Variants in HACD4 observed in about 807,000 individuals in gnomAD.
The protein encoded by HACD4 is very-long-chain (3R)-3-hydroxyacyl-CoA dehydratase 4.
A neutral mutation model predicts 33.3 loss-of-function variants in HACD4; 35 were observed. The ratio of observed to expected loss-of-function variants is 1.05; its 90% CI spans 0.80 to 1.39. HACD4 has a LOEUF of 1.39. Among genes scored for constraint, HACD4 ranks in the 40% most tolerant of loss-of-function variants. The pLI is 0.00. For synonymous variants in HACD4, 118 were observed against 98.0 expected, an observed-to-expected ratio of 1.20 and a Z score of -1.21; for missense variants, 323 against 276.5, an observed-to-expected ratio of 1.17 and a Z score of -1.19.
At chr9:21,018,065 T>A (rs920180324) in intron 3 of HACD4, among the ~76,000 whole-genome samples, 1 of 152,076 alleles carries the variant, frequency 6.6e-6, no homozygotes, top group South Asian at 2.1e-4. Flanking sequence ...TACACACGAG[T>A]GAAGACTCCC....
chr9:21,012,373 G>A (rs1842456858), intron 4 of HACD4, among the ~76,000 whole-genome samples: 1 of 152,192 alleles, frequency 6.6e-6, no homozygotes, highest in Non-Finnish European at 1.5e-5. Flanking sequence ...CCCAGACTTT[G>A]TATTAACAAG....
Position 21,002,659 on chromosome 9 carries a change from ATTAC to A in HACD4, c.*4374_*4377del, listed in dbSNP as rs770556061. 1.3e-5 allele frequency: 2 copies of A among 152,134 alleles called. No homozygotes were observed. The highest frequency in any genetic ancestry group is 4.8e-5 in the African/African-American group (2 of 41,442). The allele number at this position is 152,134 out of a possible 1,614,324, so 9.4% of individuals were successfully genotyped here. A position where few individuals can be genotyped will look rare whatever the true frequency, so the allele number is the denominator to read the frequency against. ...CAGTGGTGATGGTTGCACAATATAA[ATTAC>A]TTACTACTACTGAACTGCACACTTA... is the stretch of plus-strand genomic sequence containing the variant. On this transcript the variant is annotated 3_prime_UTR_variant, in exon 7 of 7. Transcript: ENST00000495827.
At chr9:21,025,317 A>G (rs1818033386) in intron 3 of HACD4, among the ~76,000 whole-genome samples, 1 of 152,186 alleles carries the variant, frequency 6.6e-6, no homozygotes, top group African/African-American at 2.4e-5. Context: ...TATACTATTT[A>G]TATCTTTTAA....
intron 4 of HACD4, 35 bp downstream of exon 4, chr9:21,015,863 T>C: frequency 7.2e-7 from 1 of 1,388,472 alleles, no homozygotes; most frequent in East Asian, 2.3e-5. Flanking sequence ...GAAAGCAATT[T>C]AGCCTTGTTT....
chr9:21,008,229 A>G, intron 5 of HACD4, 83 bp from the exon 6 acceptor site: 1 of 1,190,936 alleles, frequency 8.4e-7, no homozygotes, highest in Non-Finnish European at 1.1e-6. Context: ...TAGTTGTAGG[A>G]TATTTTGAAT....
Position 21,030,269 on chromosome 9 carries a change from CAAAAA to C in HACD4, c.39-876_39-872del, listed in dbSNP as rs57245979. Among the ~76,000 whole-genome samples, 490 of 110,884 alleles carry C rather than the reference CAAAAA, an allele frequency of 4.4e-3. 3 individuals are homozygous for C. Among genetic ancestry groups the C allele is most frequent in the African/African-American group, 0.018 (474 of 26,248 alleles). 72.7% of individuals were successfully genotyped at this position (110,884 alleles called of 152,430 possible). A position where few individuals can be genotyped will look rare whatever the true frequency, so the allele number is the denominator to read the frequency against. ...CCAGCCTGGCCAACATGGCAACTTA[CAAAAA>C]AAAAAAAAAAAAAGCCGGATGTGGT... On this transcript the variant is annotated intron_variant, in intron 1 of 6. Transcript: ENST00000495827.
At chr9:21,018,423 T>C (rs903210710) in intron 3 of HACD4, among the ~76,000 whole-genome samples, 1 of 152,212 alleles carries the variant, frequency 6.6e-6, no homozygotes, top group Non-Finnish European at 1.5e-5. Flanking sequence ...TGTTACTTGA[T>C]ATGAGTTACT....
chr9:21,005,123 G>A lies in HACD4; in HGVS notation c.*1914C>T, dbSNP rs907348204. ...GTGATCTTTGTTATAATATGCCAAAGAACTTGGATGATTGTGTTCATGTTC... is the reference window on the plus strand; with the variant it reads ...GTGATCTTTGTTATAATATGCCAAAAAACTTGGATGATTGTGTTCATGTTC... On this transcript the variant is annotated 3_prime_UTR_variant, in exon 7 of 7. Coordinates refer to ENST00000495827, the MANE Select transcript of HACD4 (RefSeq NM_001010915.5). This position sits in a 1 kb window ranked among gnomAD's most constrained non-coding sequence, Gnocchi z 4.0. 6 of 152,210 alleles carry A rather than the reference G, an allele frequency of 3.9e-5. No homozygotes were observed. Among genetic ancestry groups the A allele is most frequent in the Admixed American group, 1.3e-4 (2 of 15,266 alleles). The allele number at this position is 152,210 out of a possible 1,614,324, so 9.4% of individuals were successfully genotyped here.
At chr9:21,023,031 T>C (rs1401061021) in intron 3 of HACD4, among the ~76,000 whole-genome samples, 1 of 152,148 alleles carries the variant, frequency 6.6e-6, no homozygotes, top group Non-Finnish European at 1.5e-5. Flanking sequence ...CCGAATACTA[T>C]GCAGCCATAA....
chr9:21,017,377 G>A (rs762964892), intron 3 of HACD4, among the ~76,000 whole-genome samples: 1 of 152,112 alleles, frequency 6.6e-6, no homozygotes, highest in Non-Finnish European at 1.5e-5. Context: ...GTCAAACCAT[G>A]GAAGCTATCT....
rs777991871 is a variant in HACD4, at chr9:21,011,607, A to G, written c.472T>C (p.Leu158=). The change falls in exon 5 of 7, where the codon TTG becomes CTG. Residue 158 remains leucine, a synonymous_variant. Transcript: ENST00000495827. ...TTCTTACCTTCAGCAAGAACACACA[A>G]AGGATAAATTGGCATCCATAGTGTT... ...SQTLWMPIYP[L]CVLAEAFAIY... The G allele has an allele frequency of 6.2e-6, 10 of 1,606,264 alleles. No homozygotes were observed. In the East Asian group the frequency reaches 1.6e-4, roughly 25 times the overall value.
rs774100791 is a variant in HACD4 at position 21,011,546 on chromosome 9, G to A, written c.490+43C>T. 3.4e-6 allele frequency: 4 copies of A among 1,174,354 alleles called. No individual in the cohort carries two copies. The Middle Eastern group carries it at 5.7e-4, about 167-fold the overall frequency. 72.7% of individuals were successfully genotyped at this position (1,174,354 alleles called of 1,614,324 possible). Reference sequence around the variant, plus strand: ...ATTTAGTGAACCATTATAACTAGATGGCTTTTGTCAGTAAGCAATACAGCA... The same window carrying A: ...ATTTAGTGAACCATTATAACTAGATAGCTTTTGTCAGTAAGCAATACAGCA... On this transcript the variant is annotated intron_variant, in intron 5 of 6. Coordinates refer to ENST00000495827, the MANE Select transcript of HACD4 (RefSeq NM_001010915.5).
intron 3 of HACD4, among the ~76,000 whole-genome samples, chr9:21,018,286 T>C (rs1269230399): frequency 6.6e-6 from 1 of 152,212 alleles, no homozygotes; most frequent in Non-Finnish European, 1.5e-5. Context: ...GTAGGTGCTA[T>C]TATTGTTCTA....
At chr9:21,029,262 G>T in intron 2 of HACD4, 33 bp downstream of exon 2, 1 of 1,248,208 alleles carries the variant, frequency 8.0e-7, no homozygotes. Flanking sequence ...AGGATTAAAA[G>T]TTAAAAATAA....
chr9:21,028,345 G>T (rs969700949), intron 2 of HACD4, among the ~76,000 whole-genome samples: 1 of 152,030 alleles, frequency 6.6e-6, no homozygotes, highest in African/African-American at 2.4e-5. Flanking sequence ...AAATATAAAA[G>T]AAGTTTTCCC....
chr9:21,026,572 T>C lies in HACD4; in HGVS notation c.270+24A>G, dbSNP rs28540441. The C allele has an allele frequency of 1.1e-4, 181 of 1,578,688 alleles. 1 individual carries two copies. In the African/African-American group the frequency reaches 2.2e-3, roughly 19 times the overall value. ...AAATGTAAAAATGAAACAGATTCTATAATAATATGTGATTCAAACCTACCT... is the reference window on the plus strand; with the variant it reads ...AAATGTAAAAATGAAACAGATTCTACAATAATATGTGATTCAAACCTACCT... On this transcript the variant is annotated intron_variant, in intron 3 of 6. Transcript: ENST00000495827.
rs1231837924 is a variant in HACD4 at position 21,002,632 on chromosome 9, G to A, written c.*4405C>T. On this transcript the variant is annotated 3_prime_UTR_variant, in exon 7 of 7. Transcript: ENST00000495827. ...CAAGGTAAAAAAAGTTCTGGAGATG[G>A]ACAGTGGTGATGGTTGCACAATATA... is the stretch of plus-strand genomic sequence containing the variant. 1 of 152,058 alleles carries A rather than the reference G, an allele frequency of 6.6e-6. No homozygotes were observed. Among genetic ancestry groups the A allele is most frequent in the Non-Finnish European group, 1.5e-5 (1 of 67,974 alleles). 9.4% of individuals were successfully genotyped at this position (152,058 alleles called of 1,614,324 possible).
rs1842201821 is a variant in HACD4, at chr9:21,003,617, C to T, written c.*3420G>A. ...TGTTTTCTTTAGTGGAAATAAGTTA[C>T]CCATTTTTAAAATTACATTTTTATT... On this transcript the variant is annotated 3_prime_UTR_variant, in exon 7 of 7. Transcript: ENST00000495827. 6.6e-6 allele frequency: 1 copy of T among 152,026 alleles called. No individual in the cohort carries two copies. The highest frequency in any genetic ancestry group is 6.6e-5 in the Admixed American group (1 of 15,264). The allele number at this position is 152,026 out of a possible 1,614,324, so 9.4% of individuals were successfully genotyped here.
chr9:21,007,954 G>GT (rs1842310249), intron 6 of HACD4, 67 bp downstream of exon 6: 1 of 1,444,758 alleles, frequency 6.9e-7, no homozygotes. Flanking sequence ...GTATATTAAG[G>GT]TAGACGGCAA....
Sources: gnomAD v4.1 joint callset for allele counts (sites outside exome capture counted in the v4.1 genomes callset) on GRCh38, gnomAD v4.1.1 for gene constraint, Gnocchi (gnomAD v3.1) non-coding constraint, MANE v1.5 for transcripts, NCBI Gene and HGNC (gene_info 2026-07-23, HGNC 2026-07-21) for gene names.